Variants in KYNU observed in about 807,000 individuals in gnomAD.
KYNU encodes the protein L-kynurenine hydrolase.
Under a neutral mutation model 59.2 loss-of-function variants are expected in KYNU, and 54 were observed. The ratio of observed to expected loss-of-function variants is 0.91; its 90% confidence interval spans 0.73 to 1.14. KYNU has a LOEUF of 1.14. Among genes scored for constraint, KYNU ranks in the 50% most tolerant of loss-of-function variants. KYNU has a pLI of 0.00. For synonymous variants in KYNU, 177 were observed against 192.0 expected, an observed-to-expected ratio of 0.92 and a Z score of 0.65; for missense variants, 567 against 554.4, an observed-to-expected ratio of 1.02 and a Z score of -0.23.
At chr2:142,926,785 C>T (rs1036940210) in intron 3 of KYNU, among the ~76,000 whole-genome samples, 18 of 151,958 alleles carry the variant, frequency 1.2e-4, no homozygotes, top group African/African-American at 3.9e-4. Context: ...ACACACCAGG[C>T]TTGGGAAAAA....
chr2:142,957,950 G>A (rs1684224297), intron 7 of KYNU: 2 of 455,062 alleles, frequency 4.4e-6, no homozygotes, highest in Non-Finnish European at 7.9e-6. Flanking sequence ...CTATTTTTCT[G>A]TTAATACCAC....
At chr2:143,037,910 G>C (rs998253639) in intron 12 of KYNU, among the ~76,000 whole-genome samples, 1 of 152,076 alleles carries the variant, frequency 6.6e-6, no homozygotes, top group Admixed American at 6.6e-5. Context: ...GAATGCAGTT[G>C]CCCTTATTGT....
intron 8 of KYNU, among the ~76,000 whole-genome samples, chr2:142,973,449 T>G (rs1393254668): frequency 6.6e-6 from 1 of 152,140 alleles, no homozygotes; most frequent in Non-Finnish European, 1.5e-5. Context: ...CACTGGCCCC[T>G]CCATACCCCT....
At chr2:143,020,310 G>C (rs946436696) in intron 10 of KYNU, among the ~76,000 whole-genome samples, 1 of 151,978 alleles carries the variant, frequency 6.6e-6, no homozygotes, top group Non-Finnish European at 1.5e-5. Context: ...TATCCCATAG[G>C]TTCAGGTGTG....
chr2:142,883,161 A>T (rs1681359469), intron 1 of KYNU, among the ~76,000 whole-genome samples: 1 of 127,028 alleles, frequency 7.9e-6, no homozygotes, highest in Non-Finnish European at 1.7e-5. Flanking sequence ...ATAAAATTTC[A>T]GTTTTCTTTC....
chr2:142,918,583 T>A (rs760967524), intron 2 of KYNU, 26 bp from the exon 3 acceptor site: 14 of 1,509,084 alleles, frequency 9.3e-6, no homozygotes, highest in Middle Eastern at 2.3e-4. Flanking sequence ...TTTTTTTTTT[T>A]TTTTTTGACA....
At chr2:143,024,595 T>C (rs1309984780) in intron 10 of KYNU, among the ~76,000 whole-genome samples, 2 of 152,048 alleles carry the variant, frequency 1.3e-5, no homozygotes, top group Non-Finnish European at 2.9e-5. Flanking sequence ...ATGGTTGCAT[T>C]TGATACATTT....
At chr2:142,908,547 A>G (rs1307567917) in intron 2 of KYNU, among the ~76,000 whole-genome samples, 4 of 152,214 alleles carry the variant, frequency 2.6e-5, no homozygotes, top group East Asian at 3.9e-4. Context: ...AAAAAAATTT[A>G]GAGTTTTTGA....
At chr2:142,948,373 T>G (rs1205582311) in intron 4 of KYNU, among the ~76,000 whole-genome samples, 47 of 152,234 alleles carry the variant, frequency 3.1e-4, no homozygotes, top group Non-Finnish European at 3.4e-4. Flanking sequence ...ACCAGATCAC[T>G]CAAACTTTCT....
chr2:142,913,417 T>G (rs1331916862), intron 2 of KYNU, among the ~76,000 whole-genome samples: 1 of 152,022 alleles, frequency 6.6e-6, no homozygotes, highest in Non-Finnish European at 1.5e-5. Context: ...TATTTCAAAT[T>G]TTTTTTTGAT....
chr2:142,901,168 G>A (rs931051961), intron 2 of KYNU, among the ~76,000 whole-genome samples: 3 of 152,084 alleles, frequency 2.0e-5, no homozygotes, highest in Non-Finnish European at 2.9e-5. Context: ...TTGAAAAAGC[G>A]TGGTCCAGTA....
intron 12 of KYNU, among the ~76,000 whole-genome samples, chr2:143,039,639 G>A (rs1686978777): frequency 6.6e-6 from 1 of 152,202 alleles, no homozygotes; most frequent in South Asian, 2.1e-4. Context: ...GTTACAGGGA[G>A]AAGGCCTGGA....
chr2:142,928,636 G>C (rs970391232), intron 4 of KYNU, among the ~76,000 whole-genome samples: 1 of 152,092 alleles, frequency 6.6e-6, no homozygotes, highest in Non-Finnish European at 1.5e-5. Flanking sequence ...TTAAAATCTG[G>C]AGACTATCTT....
Position 143,049,255 on chromosome 2 carries a change from T to A in KYNU, c.*7083T>A, listed in dbSNP as rs1427857017. On this transcript the variant is annotated 3_prime_UTR_variant, in exon 14 of 14. Transcript: ENST00000264170. ...TTAGTTTCTAAAAGTTTCATTAGATTTCTGTTCAAAATTCCTTCCATTTGT... is the reference window on the plus strand; with the variant it reads ...TTAGTTTCTAAAAGTTTCATTAGATATCTGTTCAAAATTCCTTCCATTTGT... The A allele has an allele frequency of 6.6e-6, 1 of 152,166 alleles. No individual in the cohort carries two copies. The highest frequency in any genetic ancestry group is 2.1e-4 in the South Asian group (1 of 4,828). 9.4% of individuals were successfully genotyped at this position (152,166 alleles called of 1,614,324 possible). A position where few individuals can be genotyped will look rare whatever the true frequency, so the allele number is the denominator to read the frequency against.
At position 143,021,960 on chromosome 2, in the gene KYNU, T is replaced by C. The variant is rs187218618; in HGVS notation, c.903-7667T>C. The stretch of plus-strand genomic sequence containing the variant: ...CTTTTTTGGTAATATATCTGTTTGT[T>C]GCAATTTAGATTTCAGATATTTATT... On this transcript the variant is annotated intron_variant, in intron 10 of 13. Coordinates refer to ENST00000264170, the MANE Select transcript of KYNU (RefSeq NM_003937.3). Among the ~76,000 whole-genome samples the C allele has an allele frequency of 6.4e-3, 969 of 152,306 alleles. 7 individuals carry two copies. Among genetic ancestry groups the C allele is most frequent in the Non-Finnish European group, 8.3e-3 (564 of 68,018 alleles).
Position 143,044,931 on chromosome 2 carries a change from T to C in KYNU, c.*2759T>C, listed in dbSNP as rs566533929. The C allele has an allele frequency of 4.4e-5, 6 of 136,346 alleles. No homozygotes were observed. The South Asian group carries it at 1.4e-3, about 31-fold the overall frequency. The allele number at this position is 136,346 out of a possible 1,614,324, so 8.4% of individuals were successfully genotyped here. On this transcript the variant is annotated 3_prime_UTR_variant, in exon 14 of 14. Transcript: ENST00000264170. ...TGCCTATGTCCTGAATGGTATTGCC[T>C]AGATATTCTTCTAGGGTTTTTTTTT...
chr2:142,884,410 G>C (rs888350198), intron 1 of KYNU, among the ~76,000 whole-genome samples: 4 of 152,134 alleles, frequency 2.6e-5, no homozygotes, highest in African/African-American at 9.7e-5. Flanking sequence ...ACTGGGGGTG[G>C]GACAGTGGAG....
chr2:142,910,239 C>A (rs1326336511), intron 2 of KYNU, among the ~76,000 whole-genome samples: 1 of 148,070 alleles, frequency 6.8e-6, no homozygotes, highest in South Asian at 2.2e-4. Context: ...CAGGTTCAAG[C>A]GATTCTCTTG....
At chr2:142,910,384 C>T (rs1448542500) in intron 2 of KYNU, among the ~76,000 whole-genome samples, 1 of 151,988 alleles carries the variant, frequency 6.6e-6, no homozygotes, top group Admixed American at 6.5e-5. Context: ...GATCTGCCCG[C>T]CTCTGCCTCT....
Sources: allele counts gnomAD v4.1 joint callset (sites outside exome capture counted in the v4.1 genomes callset), GRCh38; gene constraint gnomAD v4.1.1; transcripts MANE v1.5; gene names NCBI Gene and HGNC (gene_info 2026-07-23, HGNC 2026-07-21).